The following PLVAP variants were observed in gnomAD, a reference collection of about 807,000 sequenced individuals.
PLVAP encodes the protein plasmalemma vesicle associated protein.
Under a neutral mutation model 43.1 loss-of-function variants are expected in PLVAP, and 34 were observed. That is an observed-to-expected ratio of 0.79 (90% confidence interval 0.60 to 1.05). The LOEUF is 1.05. Among genes scored for constraint, PLVAP ranks in the 50% least tolerant of loss-of-function variants. PLVAP has a pLI of 0.00. For missense variants in PLVAP, 574 were observed against 593.4 expected (o/e 0.97, Z 0.34); for synonymous variants, 241 against 237.3 (o/e 1.02, Z -0.14).
At chr19:17,372,987 AC>A (rs1293139553) in intron 1 of PLVAP, among the ~76,000 whole-genome samples, 1 of 139,108 alleles carries the variant, frequency 7.2e-6, no homozygotes, top group African/African-American at 2.6e-5. Flanking sequence ...AATTGCTTGA[AC>A]CCAGGAGGCA....
Position 17,376,970 on chromosome 19 carries a change from G to A in PLVAP, c.319C>T (p.Arg107Cys). 2 of 1,614,108 alleles carry A rather than the reference G, an allele frequency of 1.2e-6. No individual in the cohort carries two copies. Among genetic ancestry groups the A allele is most frequent in the Non-Finnish European group, 1.7e-6 (2 of 1,180,018 alleles). ...AIMQMWLNAR[R>C]DLDRINASFR... ...CTGGCATTGATGCGGTCCAGGTCGCGGCGAGCATTCAGCCACATCTGCATG... is the reference window on the plus strand; with the variant it reads ...CTGGCATTGATGCGGTCCAGGTCGCAGCGAGCATTCAGCCACATCTGCATG... The change falls in exon 1 of 6, where the codon CGC becomes TGC. Residue 107 changes from arginine to cysteine, a missense_variant. Coordinates refer to ENST00000252590, the MANE Select transcript of PLVAP (RefSeq NM_031310.3).
intron 1 of PLVAP, among the ~76,000 whole-genome samples, chr19:17,372,219 C>A (rs1162499410): frequency 6.6e-6 from 1 of 151,136 alleles, no homozygotes; most frequent in African/African-American, 2.4e-5. Flanking sequence ...ACCAGCCTGG[C>A]CAACATGGGG....
chr19:17,367,092 G>A (rs1287129501), intron 1 of PLVAP, among the ~76,000 whole-genome samples: 3 of 151,606 alleles, frequency 2.0e-5, no homozygotes, highest in South Asian at 2.1e-4. Flanking sequence ...ACAGGTATGC[G>A]CCACCACTCC....
rs149107307 is a variant in PLVAP at position 17,355,000 on chromosome 19, T to A, written c.1323-2632A>T. ...ACTTTAGGAGGCTGAGGCGGGCAGATCACCTGAGATCAGGAGTTCAAGACC... is the reference window on the plus strand; with the variant it reads ...ACTTTAGGAGGCTGAGGCGGGCAGAACACCTGAGATCAGGAGTTCAAGACC... On this transcript the variant is annotated intron_variant, in intron 5 of 5. Coordinates refer to ENST00000252590, the MANE Select transcript of PLVAP (RefSeq NM_031310.3). Among the ~76,000 whole-genome samples, 14 of 151,466 alleles carry A rather than the reference T, an allele frequency of 9.2e-5. No individual in the cohort carries two copies. In the East Asian group the frequency reaches 1.4e-3, roughly 15 times the overall value.
intron 1 of PLVAP, among the ~76,000 whole-genome samples, chr19:17,367,603 G>A (rs1294070221): frequency 1.3e-5 from 2 of 152,132 alleles, no homozygotes; most frequent in Non-Finnish European, 2.9e-5. Context: ...TGGTCAGGCT[G>A]GTCTTGAACT....
chr19:17,357,490 C>A (rs918892554), intron 5 of PLVAP, among the ~76,000 whole-genome samples: 4 of 151,800 alleles, frequency 2.6e-5, no homozygotes, highest in Non-Finnish European at 4.4e-5. Flanking sequence ...TAGCAAGACC[C>A]CTGTCTCTAC....
intron 3 of PLVAP, 184 bp from the exon 4 acceptor site, chr19:17,361,016 G>T: frequency 1.7e-6 from 1 of 582,664 alleles, no homozygotes; most frequent in Non-Finnish European, 3.0e-6. Context: ...CCAGGTTCAA[G>T]CGATTCTCCT....
chr19:17,369,806 GC>G lies in PLVAP; in HGVS notation c.370-3612del, dbSNP rs921695911. 1.7e-4 allele frequency among the ~76,000 whole-genome samples: 26 copies of G among 151,568 alleles called. No individual in the cohort carries two copies. In the South Asian group the frequency reaches 2.1e-3, roughly 12 times the overall value. ...ACCTGAGGTTGGGCATTCGAGACCA[GC>G]CTGGCCAACATGGTGAAACCCCATC... On this transcript the variant is annotated intron_variant, in intron 1 of 5. Coordinates refer to ENST00000252590, the MANE Select transcript of PLVAP (RefSeq NM_031310.3).
At chr19:17,370,980 T>G (rs1002446753) in intron 1 of PLVAP, among the ~76,000 whole-genome samples, 4 of 151,108 alleles carry the variant, frequency 2.6e-5, no homozygotes, top group African/African-American at 9.7e-5. Flanking sequence ...GGCGTGAACC[T>G]GGGAGGCAGA....
At chr19:17,363,473 G>A (rs2074536009) in intron 3 of PLVAP, among the ~76,000 whole-genome samples, 1 of 151,920 alleles carries the variant, frequency 6.6e-6, no homozygotes, top group South Asian at 2.1e-4. Flanking sequence ...GGTCGTAGAG[G>A]TCTGGGTTTC....
At chr19:17,373,861 AG>A (rs1460911818) in intron 1 of PLVAP, among the ~76,000 whole-genome samples, 4 of 152,110 alleles carry the variant, frequency 2.6e-5, no homozygotes, top group Non-Finnish European at 4.4e-5. Flanking sequence ...CTGCCTGCAA[AG>A]GGTTTAAAAC....
chr19:17,360,587 G>T lies in PLVAP; in HGVS notation c.1263C>A (p.Phe421Leu). The T allele has an allele frequency of 6.2e-7, 1 of 1,613,556 alleles. No homozygotes were observed. Among genetic ancestry groups the T allele is most frequent in the Non-Finnish European group, 8.5e-7 (1 of 1,179,718 alleles). ...TCTGGGACTCCAGGATCTTCCTCTT[G>T]AACTCCTCCAGGCTAGCTGGGTCTG... ...QPIDPASLEE[F>L]KRKILESQRP... Residue 421 changes from phenylalanine to leucine, a missense_variant, in exon 5 of 6, where the codon TTC (phenylalanine) becomes TTA (leucine). Coordinates refer to ENST00000252590, the MANE Select transcript of PLVAP (RefSeq NM_031310.3).
intron 3 of PLVAP, 84 bp from the exon 4 acceptor site, chr19:17,360,916 T>C: frequency 2.2e-6 from 1 of 462,168 alleles, no homozygotes; most frequent in Non-Finnish European, 3.1e-6. Flanking sequence ...TTCTTTTTCT[T>C]TTTTTTTTTT....
intron 1 of PLVAP, among the ~76,000 whole-genome samples, chr19:17,372,699 A>G (rs1253779120): frequency 3.3e-5 from 5 of 149,794 alleles, no homozygotes; most frequent in South Asian, 2.1e-4. Flanking sequence ...CTAGTGATCC[A>G]CCCACCTCGG....
chr19:17,377,158 AC>A lies in PLVAP; in HGVS notation c.130del (p.Val44CysfsTer11), dbSNP rs2074599377. On this transcript the variant is annotated frameshift_variant, in exon 1 of 6. Coordinates refer to ENST00000252590, the MANE Select transcript of PLVAP (RefSeq NM_031310.3). LOFTEE classifies it high-confidence loss of function. ...CACGTTGCCATAGACCATGAAGAGC[AC>A]GAGCCCCAGGATGATGAGGAATTGG... ...LIQFLIILGL[V>X]LFMVYGNVHV... 6.2e-7 allele frequency: 1 copy of A among 1,614,118 alleles called. No homozygotes were observed.
chr19:17,359,360 C>T (rs1318017549), intron 5 of PLVAP, among the ~76,000 whole-genome samples: 3 of 151,652 alleles, frequency 2.0e-5, no homozygotes, highest in Non-Finnish European at 4.4e-5. Context: ...GTGATCCGCC[C>T]GCTTCAGCCT....
intron 1 of PLVAP, 33 bp from the exon 2 acceptor site, chr19:17,366,228 G>A (rs779496242): frequency 6.2e-7 from 1 of 1,604,702 alleles, no homozygotes. Context: ...ACGCAGGACA[G>A]AGCTTAGTGT....
At position 17,376,975 on chromosome 19, in the gene PLVAP, G is replaced by A. The variant is rs1362001775; in HGVS notation, c.314C>T (p.Ala105Val). 5.6e-6 allele frequency: 9 copies of A among 1,614,148 alleles called. No homozygotes were observed. The highest frequency in any genetic ancestry group is 7.6e-6 in the Non-Finnish European group (9 of 1,180,026). The change falls in exon 1 of 6, where the codon GCT becomes GTT. Residue 105 changes from alanine to valine, a missense_variant. Transcript: ENST00000252590. ...KDAIMQMWLN[A>V]RRDLDRINAS... ...ATTGATGCGGTCCAGGTCGCGGCGAGCATTCAGCCACATCTGCATGATGGC... is the reference window on the plus strand; with the variant it reads ...ATTGATGCGGTCCAGGTCGCGGCGAACATTCAGCCACATCTGCATGATGGC...
intron 5 of PLVAP, among the ~76,000 whole-genome samples, chr19:17,359,710 T>TTTTTTTC (rs1568373661): frequency 6.9e-6 from 1 of 145,702 alleles, no homozygotes; most frequent in African/African-American, 2.6e-5. Flanking sequence ...TTTTTTTTTT[T>TTTTTTTC]CTGACACAGT....
Sources: gnomAD v4.1 joint callset for allele counts (sites outside exome capture counted in the v4.1 genomes callset) on GRCh38, gnomAD v4.1.1 for gene constraint, MANE v1.5 for transcripts, NCBI Gene and HGNC (gene_info 2026-07-23, HGNC 2026-07-21) for gene names.